Variants in CFAP47 observed in about 807,000 individuals in gnomAD.
CFAP47 encodes the protein cilia- and flagella-associated protein 47.
Under a neutral mutation model 148.1 loss-of-function variants are expected in CFAP47, and 29 were observed. The observed-to-expected ratio is 0.20, with a 90% confidence interval of 0.15 to 0.27. The LOEUF (loss-of-function observed/expected upper bound fraction) is 0.27. Among genes scored for constraint, CFAP47 ranks in the 10% least tolerant of loss-of-function variants. The pLI, the probability that CFAP47 is intolerant of heterozygous loss-of-function variation, is 1.00. For synonymous variants in CFAP47, 664 were observed against 577.3 expected, an observed-to-expected ratio of 1.15 and a Z score of -2.15; for missense variants, 1,872 against 1,697.5, an observed-to-expected ratio of 1.10 and a Z score of -1.81.
At chrX:35,926,200 T>C (rs1336668709) in intron 2 of CFAP47, 32 bp downstream of exon 2, 1 of 1,070,579 alleles carries the variant, frequency 9.3e-7, no homozygotes. Flanking sequence ...TGCTGACATT[T>C]TGAATACTCT....
intron 21 of CFAP47, among the ~76,000 whole-genome samples, chrX:36,006,882 A>G (rs2081316030): frequency 8.9e-6 from 1 of 112,253 alleles, no homozygotes; most frequent in East Asian, 2.8e-4. Context: ...TATTAAAATT[A>G]AGCCCAACAG....
chrX:36,350,872 A>T (rs1331431252), intron 59 of CFAP47, among the ~76,000 whole-genome samples: 3 of 110,767 alleles, frequency 2.7e-5, no homozygotes, highest in Non-Finnish European at 5.7e-5. Context: ...ACCTCTTACC[A>T]GGCTCTAGAT....
intron 25 of CFAP47, among the ~76,000 whole-genome samples, chrX:36,041,620 T>C (rs1298739066): frequency 4.5e-5 from 5 of 111,623 alleles, no homozygotes; most frequent in Non-Finnish European, 9.4e-5. Context: ...AGCTGAATTA[T>C]TGGCTAAACT....
rs749141926 is a variant in CFAP47 at position 36,046,279 on chromosome X, T to G, written c.4008-575T>G. ...TCAATTTTAAAGTGAATACTATTAA[T>G]ACATATTTTTATATTAAAAATAAAC... On this transcript the variant is annotated intron_variant, in intron 25 of 63. Coordinates refer to ENST00000378653, the MANE Select transcript of CFAP47 (RefSeq NM_001304548.2). Among the ~76,000 whole-genome samples the G allele has an allele frequency of 4.2e-3, 465 of 110,563 alleles. 3 individuals carry two copies. The highest frequency in any genetic ancestry group is 0.013 in the African/African-American group (406 of 30,775).
At chrX:36,296,347 A>G (rs1390038098) in intron 51 of CFAP47, among the ~76,000 whole-genome samples, 1 of 112,286 alleles carries the variant, frequency 8.9e-6, no homozygotes, top group Non-Finnish European at 1.9e-5. Flanking sequence ...TATATATGTA[A>G]TAAGACTTCA....
At chrX:36,067,955 C>T (rs911558976) in intron 27 of CFAP47, among the ~76,000 whole-genome samples, 3 of 111,626 alleles carry the variant, frequency 2.7e-5, no homozygotes, top group Admixed American at 1.9e-4. Context: ...CTGGCCGCCA[C>T]GGTGATATTT....
At chrX:36,368,791 A>C (rs1556020821) in intron 62 of CFAP47, among the ~76,000 whole-genome samples, 1 of 111,692 alleles carries the variant, frequency 9.0e-6, no homozygotes, top group South Asian at 3.7e-4. Context: ...AATGTATATA[A>C]ATTACTCACC....
At chrX:36,233,918 T>A (rs191260205) in intron 46 of CFAP47, among the ~76,000 whole-genome samples, 1 of 111,728 alleles carries the variant, frequency 9.0e-6, no homozygotes, top group African/African-American at 3.3e-5. Flanking sequence ...AAAATTCTTT[T>A]TCTTTAAGAA....
At chrX:36,334,843 GC>G (rs1385032978) in intron 57 of CFAP47, among the ~76,000 whole-genome samples, 1 of 109,665 alleles carries the variant, frequency 9.1e-6, no homozygotes, top group African/African-American at 3.3e-5. Context: ...GCTTTCTTTT[GC>G]TTGTGCCTTT....
chrX:36,058,239 TG>T (rs1937569557), intron 26 of CFAP47, among the ~76,000 whole-genome samples: 1 of 112,217 alleles, frequency 8.9e-6, no homozygotes, highest in Non-Finnish European at 1.9e-5. Flanking sequence ...TTTTATTACC[TG>T]TTTTTTGAGA....
At chrX:36,054,506 T>C (rs1331846276) in intron 26 of CFAP47, among the ~76,000 whole-genome samples, 1 of 111,954 alleles carries the variant, frequency 8.9e-6, no homozygotes, top group Non-Finnish European at 1.9e-5. Flanking sequence ...AATTCTTCAT[T>C]TAAATATTTT....
intron 22 of CFAP47, among the ~76,000 whole-genome samples, chrX:36,028,279 G>C (rs920478660): frequency 2.7e-5 from 3 of 111,116 alleles, no homozygotes; most frequent in Non-Finnish European, 3.8e-5. Context: ...GATCATTATA[G>C]ATTATGGTTT....
intron 39 of CFAP47, among the ~76,000 whole-genome samples, chrX:36,174,057 GC>G (rs1939629580): frequency 9.3e-6 from 1 of 108,061 alleles, no homozygotes; most frequent in Non-Finnish European, 1.9e-5. Flanking sequence ...TTATGTAATG[GC>G]CTTCTTTGTC....
intron 39 of CFAP47, among the ~76,000 whole-genome samples, chrX:36,169,624 T>C (rs139438444): frequency 2.9e-4 from 33 of 112,004 alleles, no homozygotes; most frequent in Middle Eastern, 9.2e-3. Context: ...TTCTTTTGTA[T>C]CATTTCTATC....
intron 48 of CFAP47, among the ~76,000 whole-genome samples, chrX:36,238,803 C>T (rs966357740): frequency 4.5e-5 from 5 of 111,663 alleles, no homozygotes; most frequent in Non-Finnish European, 7.5e-5. Flanking sequence ...TTGGCAGTTT[C>T]CTGGCTTCAG....
chrX:35,990,776 C>T (rs972817220), intron 16 of CFAP47, among the ~76,000 whole-genome samples: 4 of 111,174 alleles, frequency 3.6e-5, no homozygotes, highest in Admixed American at 1.9e-4. Flanking sequence ...TTTTGCCTTA[C>T]CTAGTTTGGG....
intron 63 of CFAP47, among the ~76,000 whole-genome samples, chrX:36,384,383 C>T (rs189861185): frequency 9.0e-6 from 1 of 111,617 alleles, no homozygotes; most frequent in Non-Finnish European, 1.9e-5. Flanking sequence ...GTTATACATG[C>T]TATGTACTTT....
At chrX:36,232,091 C>T (rs781928795) in intron 46 of CFAP47, among the ~76,000 whole-genome samples, 1 of 111,242 alleles carries the variant, frequency 9.0e-6, no homozygotes, top group South Asian at 3.8e-4. Context: ...GGTTGTGTCT[C>T]TGCCCGGCTT....
At chrX:36,348,740 C>A (rs782011471) in intron 58 of CFAP47, among the ~76,000 whole-genome samples, 1 of 111,561 alleles carries the variant, frequency 9.0e-6, no homozygotes, top group African/African-American at 3.3e-5. Flanking sequence ...TCATATGAAA[C>A]TGCCATGGCT....
Sources: gnomAD v4.1 joint callset for allele counts (sites outside exome capture counted in the v4.1 genomes callset) on GRCh38, gnomAD v4.1.1 for gene constraint, MANE v1.5 for transcripts, NCBI Gene and HGNC (gene_info 2026-07-23, HGNC 2026-07-21) for gene names.